Variants in PRPS1L1 observed in about 807,000 individuals in gnomAD.
PRPS1L1 encodes the protein ribose-phosphate pyrophosphokinase 3.
A neutral mutation model predicts 16.4 loss-of-function variants in PRPS1L1; 12 were observed. That is an observed-to-expected ratio of 0.73 (90% CI 0.47 to 1.19). The LOEUF (loss-of-function observed/expected upper bound fraction) is 1.19, where lower values mean the gene tolerates loss of function less well. Ranked by LOEUF, PRPS1L1 falls within the 50% of genes most tolerant of loss-of-function variation. The probability of loss-of-function intolerance (pLI) is 0.00; values close to 1 mark genes in which losing one functional copy is unlikely to be tolerated. For synonymous variants in PRPS1L1, 153 were observed against 142.5 expected (o/e 1.07, Z -0.53); for missense variants, 408 against 395.8 (o/e 1.03, Z -0.26).
Position 18,027,623 on chromosome 7 carries a change from A to G in PRPS1L1, c.160T>C (p.Tyr54His), listed in dbSNP as rs1255942934. ...TCGCCACAACCACTCTGAACGATGT[A>G]GACATCCTCTCCACGCACACTCTCA... The change falls in exon 1 of 1, where the codon TAC becomes CAC. Residue 54 changes from tyrosine (Y) to histidine (H), a missense_variant. Tyr to His is a moderately conservative substitution (Grantham distance 83, BLOSUM62 2). Transcript: ENST00000506618. The G allele has an allele frequency of 6.2e-7, 1 of 1,613,988 alleles. No individual in the cohort carries two copies. Among genetic ancestry groups the G allele is most frequent in the African/African-American group, 1.3e-5 (1 of 74,902 alleles).
At position 18,027,775 on chromosome 7, in the gene PRPS1L1, T is replaced by A; in HGVS notation, c.8A>T (p.Asn3Ile). The change falls in exon 1 of 1, where the codon AAT becomes ATT. Residue 3 changes from asparagine to isoleucine, a missense_variant. Physicochemically the swap from Asn to Ile is moderately radical, Grantham distance 149. Coordinates refer to ENST00000506618, the MANE Select transcript of PRPS1L1 (RefSeq NM_175886.3). ...GGAGCTGCCGCTGAAGATTTTGATATTCGGCGTCTTGGCCAACTACCAGAG... is the reference window on the plus strand; with the variant it reads ...GGAGCTGCCGCTGAAGATTTTGATAATCGGCGTCTTGGCCAACTACCAGAG... 1 of 1,614,126 alleles carries A rather than the reference T, an allele frequency of 6.2e-7. No homozygotes were observed. The highest frequency in any genetic ancestry group is 2.2e-5 in the East Asian group (1 of 44,850).
Position 18,027,800 on chromosome 7 carries a change from G to A in PRPS1L1, c.-18C>T, listed in dbSNP as rs374622408. ...TTCGGCGTCTTGGCCAACTACCAGA[G>A]GCACTCCGTCGAGCGATCCAGCTGC... On this transcript the variant is annotated 5_prime_UTR_variant, in exon 1 of 1. Coordinates refer to ENST00000506618, the MANE Select transcript of PRPS1L1 (RefSeq NM_175886.3). 3.7e-6 allele frequency: 6 copies of A among 1,612,224 alleles called. No homozygotes were observed. The highest frequency in any genetic ancestry group is 5.1e-6 in the Non-Finnish European group (6 of 1,178,452).
chr7:18,027,262 C>T lies in PRPS1L1; in HGVS notation c.521G>A (p.Gly174Glu). 4 of 1,614,218 alleles carry T rather than the reference C, an allele frequency of 2.5e-6. No individual in the cohort carries two copies. Among genetic ancestry groups the T allele is most frequent in the Non-Finnish European group, 3.4e-6 (4 of 1,180,040 alleles). The change falls in exon 1 of 1, where the codon GGA (glycine) becomes GAA (glutamate). Residue 174 changes from glycine to glutamate, a missense_variant. Physicochemically the swap from Gly to Glu is moderately conservative, Grantham distance 98. Transcript: ENST00000506618. ...TGCAATGGAGGTCACTCTTTTAGCT[C>T]CACCAGCATCTGGCGAGACAATAAT...
Position 18,027,830 on chromosome 7 carries a change from G to C in PRPS1L1, c.-48C>G. 1 of 1,576,060 alleles carries C rather than the reference G, an allele frequency of 6.3e-7. No homozygotes were observed. Among genetic ancestry groups the C allele is most frequent in the Non-Finnish European group, 8.7e-7 (1 of 1,149,264 alleles). On this transcript the variant is annotated 5_prime_UTR_variant, in exon 1 of 1. Coordinates refer to ENST00000506618, the MANE Select transcript of PRPS1L1 (RefSeq NM_175886.3). ...TCCGTCGAGCGATCCAGCTGCCGCT[G>C]AGGCTGGAACGGAAGTGAAGCACAG...
At position 18,027,293 on chromosome 7, in the gene PRPS1L1, T is replaced by A. The variant is rs1339359994; in HGVS notation, c.490A>T (p.Asn164Tyr). The A allele has an allele frequency of 6.2e-7, 1 of 1,614,218 alleles. No homozygotes were observed. Among genetic ancestry groups the A allele is most frequent in the South Asian group, 1.1e-5 (1 of 91,090 alleles). Reference sequence around the variant, plus strand: ...GCATCTGGCGAGACAATAATGCAGTTCTTCCACTCAGGGATATTCTCCCTT... The same window carrying A: ...GCATCTGGCGAGACAATAATGCAGTACTTCCACTCAGGGATATTCTCCCTT... Residue 164 changes from asparagine to tyrosine, a missense_variant, in exon 1 of 1, where the codon AAC (asparagine) becomes TAC (tyrosine). Physicochemically the swap from Asn to Tyr is moderately radical, Grantham distance 143. Transcript: ENST00000506618.
At position 18,027,283 on chromosome 7, in the gene PRPS1L1, A is replaced by G. The variant is rs777526032; in HGVS notation, c.500T>C (p.Ile167Thr). The G allele has an allele frequency of 1.2e-6, 2 of 1,614,194 alleles. No individual in the cohort carries two copies. Among genetic ancestry groups the G allele is most frequent in the South Asian group, 1.1e-5 (1 of 91,078 alleles). The change falls in exon 1 of 1, where the codon ATT becomes ACT. Residue 167 changes from isoleucine to threonine, a missense_variant. Transcript: ENST00000506618. ...AGCTCCACCAGCATCTGGCGAGACA[A>G]TAATGCAGTTCTTCCACTCAGGGAT...
In PRPS1L1 at chr7:18,027,134, T is replaced by G; in HGVS notation, c.649A>C (p.Ile217Leu). ...GTGTCTGCCATGTCATCTACAAGGA[T>G]AGCCACACGATCATTCACATCTCCC... The change falls in exon 1 of 1, where the codon ATC (isoleucine) becomes CTC (leucine). Residue 217 changes from isoleucine (I) to leucine (L), a missense_variant. Transcript: ENST00000506618. The G allele has an allele frequency of 6.2e-7, 1 of 1,614,238 alleles. No individual in the cohort carries two copies. The highest frequency in any genetic ancestry group is 8.5e-7 in the Non-Finnish European group (1 of 1,180,030).
chr7:18,026,970 GA>G lies in PRPS1L1; in HGVS notation c.812del (p.Val271AlafsTer11). The G allele has an allele frequency of 6.2e-7, 1 of 1,614,166 alleles. No homozygotes were observed. Among genetic ancestry groups the G allele is most frequent in the Admixed American group, 1.7e-5 (1 of 60,032 alleles). On this transcript the variant is annotated frameshift_variant, in exon 1 of 1. Coordinates refer to ENST00000506618, the MANE Select transcript of PRPS1L1 (RefSeq NM_175886.3). LOFTEE classifies it high-confidence loss of function. ...TCTCATCTTGAGGTATGGTATTGGT[GA>G]CTACCACTGCTTCAAAGCATGCAGT...
chr7:18,027,069 T>A lies in PRPS1L1; in HGVS notation c.714A>T (p.Ser238=). ...TAGCATAAACTCTGGTTGCTCCAGCTGAGAGAAGTTTGTCAGCTGCGAGGC... is the reference window on the plus strand; with the variant it reads ...TAGCATAAACTCTGGTTGCTCCAGCAGAGAGAAGTTTGTCAGCTGCGAGGC... Residue 238 remains serine, a synonymous_variant, in exon 1 of 1, where the codon TCA becomes TCT. Coordinates refer to ENST00000506618, the MANE Select transcript of PRPS1L1 (RefSeq NM_175886.3). The A allele has an allele frequency of 6.2e-7, 1 of 1,614,230 alleles. No individual in the cohort carries two copies. Among genetic ancestry groups the A allele is most frequent in the Non-Finnish European group, 8.5e-7 (1 of 1,180,040 alleles).
chr7:18,027,400 T>C lies in PRPS1L1; in HGVS notation c.383A>G (p.Asp128Gly). 6.2e-7 allele frequency: 1 copy of C among 1,614,176 alleles called. No individual in the cohort carries two copies. Among genetic ancestry groups the C allele is most frequent in the Non-Finnish European group, 8.5e-7 (1 of 1,180,028 alleles). ...GCCCTGAATTTGAGAAGCATGTAGG[T>C]CCATGGTGATGATATGATCCGCACC... Residue 128 changes from aspartate (D) to glycine (G), a missense_variant, in exon 1 of 1, where the codon GAC (aspartate) becomes GGC (glycine). Physicochemically the swap from Asp to Gly is moderately conservative, Grantham distance 94. Transcript: ENST00000506618.
Position 18,027,490 on chromosome 7 carries a change from T to A in PRPS1L1, c.293A>T (p.Asp98Val). The change falls in exon 1 of 1, where the codon GAT (aspartate) becomes GTT (valine). Residue 98 changes from aspartate (D) to valine (V), a missense_variant. Transcript: ENST00000506618. ...TGGGGACCGGCTCTTATCCTTCTTATCCTGTCGGGCATAAGGGAAGCATGG... is the reference window on the plus strand; with the variant it reads ...TGGGGACCGGCTCTTATCCTTCTTAACCTGTCGGGCATAAGGGAAGCATGG... 1 of 1,614,140 alleles carries A rather than the reference T, an allele frequency of 6.2e-7. No homozygotes were observed. The highest frequency in any genetic ancestry group is 8.5e-7 in the Non-Finnish European group (1 of 1,180,026).
rs149672606 is a variant in PRPS1L1 at position 18,027,351 on chromosome 7, G to A, written c.432C>T (p.Asn144=). 134 of 1,613,570 alleles carry A rather than the reference G, an allele frequency of 8.3e-5. No individual in the cohort carries two copies. In the African/African-American group the frequency reaches 1.5e-3, roughly 18 times the overall value. ...TCAGGACAGTTGGCTCTGCATACAAGTTGTCTACTGGGATATCAAAAAAGC... is the reference window on the plus strand; with the variant it reads ...TCAGGACAGTTGGCTCTGCATACAAATTGTCTACTGGGATATCAAAAAAGC... Residue 144 remains asparagine (N), a synonymous_variant, in exon 1 of 1, where the codon AAC becomes AAT. Transcript: ENST00000506618.
rs368437252 is a variant in PRPS1L1, at chr7:18,027,350, A to C, written c.433T>G (p.Leu145Val). Residue 145 changes from leucine to valine, a missense_variant, in exon 1 of 1, where the codon TTG (leucine) becomes GTG (valine). Coordinates refer to ENST00000506618, the MANE Select transcript of PRPS1L1 (RefSeq NM_175886.3). Reference sequence around the variant, plus strand: ...TTCAGGACAGTTGGCTCTGCATACAAGTTGTCTACTGGGATATCAAAAAAG... The same window carrying C: ...TTCAGGACAGTTGGCTCTGCATACACGTTGTCTACTGGGATATCAAAAAAG... The C allele has an allele frequency of 1.2e-6, 2 of 1,608,142 alleles. No individual in the cohort carries two copies. The highest frequency in any genetic ancestry group is 1.7e-6 in the Non-Finnish European group (2 of 1,176,214).
At position 18,027,482 on chromosome 7, in the gene PRPS1L1, CCTT is replaced by C. The variant is rs1462966865; in HGVS notation, c.298_300del (p.Lys100del). ...GCAGAGATTGGGGACCGGCTCTTAT[CCTT>C]CTTATCCTGTCGGGCATAAGGGAAG... On this transcript the variant is annotated inframe_deletion, in exon 1 of 1. Coordinates refer to ENST00000506618, the MANE Select transcript of PRPS1L1 (RefSeq NM_175886.3). The C allele has an allele frequency of 1.2e-5, 20 of 1,614,158 alleles. No individual in the cohort carries two copies. Among genetic ancestry groups the C allele is most frequent in the Non-Finnish European group, 1.7e-5 (20 of 1,180,012 alleles).
chr7:18,027,727 AT>A lies in PRPS1L1; in HGVS notation c.55del (p.Ile19LeufsTer9). 2 of 1,613,714 alleles carry A rather than the reference AT, an allele frequency of 1.2e-6. No individual in the cohort carries two copies. The highest frequency in any genetic ancestry group is 8.5e-7 in the Non-Finnish European group (1 of 1,179,956). ...TAGCTCCAGGCCCAGGCGGTCAGCAATTTTCTGGGATAAGTCCTGGTGGGAG... is the reference window on the plus strand; with the variant it reads ...TAGCTCCAGGCCCAGGCGGTCAGCAATTTCTGGGATAAGTCCTGGTGGGAG... On this transcript the variant is annotated frameshift_variant, in exon 1 of 1. Transcript: ENST00000506618. LOFTEE classifies it high-confidence loss of function.
rs188739522 is a variant in PRPS1L1, at chr7:18,026,796, T to G, written c.*30A>C. ...TTGTTTTTATTAATCTTATTTTATT[T>G]TAAAATAGCATAACCTAGAAGTTAT... On this transcript the variant is annotated 3_prime_UTR_variant, in exon 1 of 1. Coordinates refer to ENST00000506618, the MANE Select transcript of PRPS1L1 (RefSeq NM_175886.3). 3 of 1,426,672 alleles carry G rather than the reference T, an allele frequency of 2.1e-6. No individual in the cohort carries two copies. In the East Asian group the frequency reaches 6.9e-5, roughly 33 times the overall value. 88.4% of individuals were successfully genotyped at this position (1,426,672 alleles called of 1,614,324 possible). A position where few individuals can be genotyped will look rare whatever the true frequency, so the allele number is the denominator to read the frequency against.
In PRPS1L1 at chr7:18,027,422, C is replaced by T. The variant is rs960460244; in HGVS notation, c.361G>A (p.Ala121Thr). ...AGGTCCATGGTGATGATATGATCCGCACCTGCTATAGAGAGCATATTTGCA... is the reference window on the plus strand; with the variant it reads ...AGGTCCATGGTGATGATATGATCCGTACCTGCTATAGAGAGCATATTTGCA... The change falls in exon 1 of 1, where the codon GCG (alanine) becomes ACG (threonine). Residue 121 changes from alanine (A) to threonine (T), a missense_variant. Transcript: ENST00000506618. 6 of 1,614,060 alleles carry T rather than the reference C, an allele frequency of 3.7e-6. No individual in the cohort carries two copies. In the African/African-American group the frequency reaches 4.0e-5, roughly 11 times the overall value.
chr7:18,027,056 T>C lies in PRPS1L1; in HGVS notation c.727A>G (p.Arg243Gly), dbSNP rs186212880. ...CCATGAGTCAAGATAGCATAAACTC[T>C]GGTTGCTCCAGCTGAGAGAAGTTTG... The change falls in exon 1 of 1, where the codon AGA becomes GGA. Residue 243 changes from arginine (R) to glycine (G), a missense_variant. By Grantham distance (125) the Arg-to-Gly change is moderately radical. Transcript: ENST00000506618. 1.9e-4 allele frequency: 300 copies of C among 1,614,226 alleles called. 2 individuals carry two copies. In the African/African-American group the frequency reaches 3.4e-3, roughly 18 times the overall value.
At position 18,027,643 on chromosome 7, in the gene PRPS1L1, C is replaced by G. The variant is rs138696713; in HGVS notation, c.140G>C (p.Ser47Thr). Residue 47 changes from serine (S) to threonine (T), a missense_variant, in exon 1 of 1, where the codon AGT becomes ACT. Transcript: ENST00000506618. ...GATGTAGACATCCTCTCCACGCACACTCTCATCAATTTCCACGCAGGTCTC... is the reference window on the plus strand; with the variant it reads ...GATGTAGACATCCTCTCCACGCACAGTCTCATCAATTTCCACGCAGGTCTC... The G allele has an allele frequency of 2.3e-5, 37 of 1,614,096 alleles. No individual in the cohort carries two copies. Among genetic ancestry groups the G allele is most frequent in the Admixed American group, 3.3e-5 (2 of 60,010 alleles).
Sources: allele counts gnomAD v4.1 joint callset, GRCh38; gene constraint gnomAD v4.1.1; transcripts MANE v1.5; gene names NCBI Gene and HGNC (gene_info 2026-07-23, HGNC 2026-07-21).